MYO5B: variants seen among roughly 807,000 people sequenced by gnomAD.
MYO5B encodes unconventional myosin-Vb.
In MYO5B, 143 loss-of-function variants were observed where a neutral mutation model predicts 229.3. The ratio of observed to expected loss-of-function variants is 0.62; its 90% CI spans 0.54 to 0.72. MYO5B has a LOEUF of 0.72. Among genes scored for constraint, MYO5B ranks in the 30% least tolerant of loss-of-function variants. The pLI, the probability that MYO5B is intolerant of heterozygous loss-of-function variation, is 0.00. For missense variants in MYO5B, 2,321 were observed against 2,331.0 expected (o/e 1.00, Z 0.09); for synonymous variants, 918 against 885.2 (o/e 1.04, Z -0.66).
intron 2 of MYO5B, among the ~76,000 whole-genome samples, chr18:50,051,161 T>C (rs2030382328): frequency 6.6e-6 from 1 of 152,232 alleles, no homozygotes; most frequent in Non-Finnish European, 1.5e-5. Context: ...TTTAACAATG[T>C]TTTTAATTAA....
intron 14 of MYO5B, among the ~76,000 whole-genome samples, chr18:49,938,522 G>C (rs1209702507): frequency 6.6e-6 from 1 of 152,126 alleles, no homozygotes; most frequent in Non-Finnish European, 1.5e-5. Context: ...CAACAGAAGA[G>C]AGGCTAAATG....
intron 1 of MYO5B, among the ~76,000 whole-genome samples, chr18:50,118,099 C>T (rs2031995576): frequency 6.6e-6 from 1 of 152,162 alleles, no homozygotes. Flanking sequence ...TGCAATCAAG[C>T]AAATGTTTGC....
intron 33 of MYO5B, among the ~76,000 whole-genome samples, chr18:49,843,636 C>T (rs552217818): frequency 1.3e-5 from 2 of 152,344 alleles, no homozygotes; most frequent in East Asian, 3.9e-4. Context: ...TAATTGTCTG[C>T]ACTATAACCC....
chr18:49,958,062 C>T (rs770102246), intron 12 of MYO5B, among the ~76,000 whole-genome samples: 51 of 152,184 alleles, frequency 3.4e-4, no homozygotes, highest in Non-Finnish European at 6.8e-4. Context: ...CCTCTGCACG[C>T]TCAGCAAAAC....
intron 1 of MYO5B, among the ~76,000 whole-genome samples, chr18:50,076,680 C>T (rs927620019): frequency 3.9e-5 from 6 of 152,170 alleles, no homozygotes; most frequent in African/African-American, 7.2e-5. Context: ...CAACTAACCA[C>T]GAGCAGGCGT....
chr18:49,986,449 T>C (rs933851144), intron 7 of MYO5B, among the ~76,000 whole-genome samples: 1 of 152,042 alleles, frequency 6.6e-6, no homozygotes. Flanking sequence ...CAGGCACAAA[T>C]AATGAGAACA....
At chr18:49,993,419 T>C (rs1475727789) in intron 5 of MYO5B, among the ~76,000 whole-genome samples, 1 of 151,932 alleles carries the variant, frequency 6.6e-6, no homozygotes, top group Non-Finnish European at 1.5e-5. Flanking sequence ...GCTGGCAGAA[T>C]AGTGAGAAGC....
At chr18:49,888,768 G>A (rs1167074375) in intron 22 of MYO5B, among the ~76,000 whole-genome samples, 1 of 152,220 alleles carries the variant, frequency 6.6e-6, no homozygotes, top group Non-Finnish European at 1.5e-5. Flanking sequence ...CCTTCTGACA[G>A]GCTCTGTCGT....
intron 17 of MYO5B, among the ~76,000 whole-genome samples, chr18:49,927,032 G>T (rs2025135777): frequency 1.3e-5 from 2 of 152,162 alleles, no homozygotes; most frequent in African/African-American, 4.8e-5. Flanking sequence ...GGGAAATATT[G>T]TTAATGCCGC....
chr18:49,980,867 G>A (rs1476931302), intron 8 of MYO5B, among the ~76,000 whole-genome samples: 3 of 152,202 alleles, frequency 2.0e-5, no homozygotes, highest in Admixed American at 6.5e-5. Context: ...CTCATTTTGG[G>A]CTTCATTTCA....
intron 2 of MYO5B, among the ~76,000 whole-genome samples, chr18:50,046,068 T>C (rs1408952682): frequency 6.6e-6 from 1 of 152,190 alleles, no homozygotes; most frequent in East Asian, 1.9e-4. Context: ...TGGCTTTTAT[T>C]ATCTACCCAT....
chr18:50,156,664 T>C (rs2032683784), intron 1 of MYO5B, among the ~76,000 whole-genome samples: 1 of 152,160 alleles, frequency 6.6e-6, no homozygotes, highest in Admixed American at 6.5e-5. Context: ...CAGACCCACA[T>C]CCAAAGGAAG....
In MYO5B at chr18:49,904,673, T is replaced by C; in HGVS notation, c.2570A>G (p.Gln857Arg). The C allele has an allele frequency of 1.9e-6, 3 of 1,613,616 alleles. No individual in the cohort carries two copies. ...RAMFVRRTYR[Q>R]VLMEHKATTI... ...GAGGCCCTCAGAGTGGCTACTCACC[T>C]GGCGGTAGGTTCTCCGCACAAACAT... Residue 857 changes from glutamine to arginine, a missense_variant and splice_region_variant, in exon 20 of 40, where the codon CAG becomes CGG. This residue lies in a region of MYO5B where 2,113 missense variants were observed against 2,044.7 expected (regional missense o/e 1.03). Transcript: ENST00000285039.
At chr18:50,033,827 G>A (rs1469494090) in intron 4 of MYO5B, among the ~76,000 whole-genome samples, 1 of 151,662 alleles carries the variant, frequency 6.6e-6, no homozygotes, top group Non-Finnish European at 1.5e-5. Flanking sequence ...ATATGACAGA[G>A]ATAGGCACAG....
intron 2 of MYO5B, among the ~76,000 whole-genome samples, chr18:50,043,260 A>ATATATTTATAAATATATT (rs2030076340): frequency 8.5e-6 from 1 of 117,288 alleles, no homozygotes; most frequent in Non-Finnish European, 1.7e-5. Context: ...ATAAATATTC[A>ATATATTTATAAATATATT]TATATTTATA....
rs1354246374 is a variant in MYO5B, at chr18:49,980,490, C to T, written c.1010G>A (p.Ser337Asn). The change falls in exon 9 of 40, where the codon AGT (serine) becomes AAT (asparagine). Residue 337 changes from serine (S) to asparagine (N), a missense_variant. Physicochemically the swap from Ser to Asn is conservative, Grantham distance 46. Around this residue, in one of 2 missense-constraint regions of MYO5B, gnomAD observed 2,113 missense variants for 2,044.7 expected, o/e 1.03. Transcript: ENST00000285039. ...KIIASILHLG[S>N]VAIQAERDGD... The stretch of plus-strand genomic sequence containing the variant: ...ATCACGCTCAGCCTGAATCGCCACA[C>T]TTCCAAGGTGCAAGATAGAAGCAAT... 30 of 1,613,946 alleles carry T rather than the reference C, an allele frequency of 1.9e-5. No homozygotes were observed. The highest frequency in any genetic ancestry group is 4.5e-5 in the East Asian group (2 of 44,878).
At position 49,975,435 on chromosome 18, in the gene MYO5B, A is replaced by G. The variant is rs183355241; in HGVS notation, c.1057-820T>C. On this transcript the variant is annotated intron_variant, in intron 9 of 39. Transcript: ENST00000285039. ...TGGGTGAGAGGCTGAAACGCAATAG[A>G]CGATGTCACTCCCAGCACTGACCCT... 2.6e-5 allele frequency among the ~76,000 whole-genome samples: 4 copies of G among 152,244 alleles called. No homozygotes were observed. The East Asian group carries it at 7.7e-4, about 29-fold the overall frequency.
chr18:49,910,907 T>A (rs2024950282), intron 18 of MYO5B, among the ~76,000 whole-genome samples: 1 of 152,250 alleles, frequency 6.6e-6, no homozygotes, highest in African/African-American at 2.4e-5. Flanking sequence ...ATGATCATAC[T>A]CTGCTGTAAT....
At chr18:49,904,190 T>C (rs1013886200) in intron 20 of MYO5B, among the ~76,000 whole-genome samples, 2 of 152,264 alleles carry the variant, frequency 1.3e-5, no homozygotes, top group African/African-American at 4.8e-5. Flanking sequence ...GTTTGAGTCA[T>C]AGAGGCAGAT....
Sources: allele counts gnomAD v4.1 joint callset (sites outside exome capture counted in the v4.1 genomes callset), GRCh38; gene constraint gnomAD v4.1.1; regional missense constraint gnomAD v4.1.1; transcripts MANE v1.5; gene names NCBI Gene and HGNC (gene_info 2026-07-23, HGNC 2026-07-21).